The following TBC1D5 variants were observed in gnomAD, a reference collection of about 807,000 sequenced individuals.
TBC1D5 encodes TBC1 domain family member 5.
A neutral mutation model predicts 100.3 loss-of-function variants in TBC1D5; 75 were observed. That is an observed-to-expected ratio of 0.75 (90% CI 0.62 to 0.91). The LOEUF (loss-of-function observed/expected upper bound fraction) is 0.91. Ranked by LOEUF, TBC1D5 falls within the 40% of genes least tolerant of loss-of-function variation. The pLI, the probability that TBC1D5 is intolerant of heterozygous loss-of-function variation, is 0.00. For missense variants in TBC1D5, 910 were observed against 942.4 expected (o/e 0.97, Z 0.45); for synonymous variants, 323 against 325.6 (o/e 0.99, Z 0.09).
At chr3:17,527,529 C>A (rs1427809212) in intron 2 of TBC1D5, among the ~76,000 whole-genome samples, 1 of 152,074 alleles carries the variant, frequency 6.6e-6, no homozygotes, top group African/African-American at 2.4e-5. Context: ...TTAGAAAGAT[C>A]ACAAATCTTT....
chr3:17,592,065 G>A (rs2060264964), intron 2 of TBC1D5, among the ~76,000 whole-genome samples: 1 of 152,212 alleles, frequency 6.6e-6, no homozygotes. Context: ...CCTGGTACAT[G>A]GTATGCAGCC....
rs150879179 is a variant in TBC1D5 at position 17,365,791 on chromosome 3, A to G, written c.995+6284T>C. Among the ~76,000 whole-genome samples the G allele has an allele frequency of 3.5e-3, 532 of 152,298 alleles. 4 individuals are homozygous for G. The highest frequency in any genetic ancestry group is 0.011 in the African/African-American group (457 of 41,568). On this transcript the variant is annotated intron_variant, in intron 13 of 21. Transcript: ENST00000253692. ...TTTGGCTCATGGTCCAATGTGACAC[A>G]TAAAACCTTCAGATGCCTCAGCTTT...
chr3:17,478,377 T>C (rs1487364833), intron 3 of TBC1D5, among the ~76,000 whole-genome samples: 1 of 152,200 alleles, frequency 6.6e-6, no homozygotes, highest in East Asian at 1.9e-4. Flanking sequence ...GGTGTGACTT[T>C]CCAGCTTCTT....
At chr3:17,292,042 A>C (rs2081814611) in intron 14 of TBC1D5, 41 bp from the exon 15 acceptor site, 1 of 1,523,672 alleles carries the variant, frequency 6.6e-7, no homozygotes, top group East Asian at 2.3e-5. Flanking sequence ...AATACTATTT[A>C]AGATATTCTG....
At chr3:17,296,422 G>A (rs563721529) in intron 14 of TBC1D5, among the ~76,000 whole-genome samples, 1 of 152,244 alleles carries the variant, frequency 6.6e-6, no homozygotes, top group South Asian at 2.1e-4. Flanking sequence ...CATAATTACT[G>A]CCTGCAGCAT....
At chr3:17,217,120 G>A (rs1310244135) in intron 17 of TBC1D5, among the ~76,000 whole-genome samples, 1 of 152,140 alleles carries the variant, frequency 6.6e-6, no homozygotes, top group Non-Finnish European at 1.5e-5. Context: ...TGTAGATGGA[G>A]TGATACTATA....
At chr3:17,581,302 G>A (rs749825103) in intron 2 of TBC1D5, among the ~76,000 whole-genome samples, 8 of 152,148 alleles carry the variant, frequency 5.3e-5, no homozygotes, top group Non-Finnish European at 8.8e-5. Flanking sequence ...CTTCATAGCA[G>A]TATGAAAATG....
At chr3:17,365,838 T>C (rs891784614) in intron 13 of TBC1D5, among the ~76,000 whole-genome samples, 3 of 152,192 alleles carry the variant, frequency 2.0e-5, no homozygotes, top group Non-Finnish European at 2.9e-5. Context: ...ATAGTCCTAG[T>C]CAAATTAAAC....
intron 2 of TBC1D5, among the ~76,000 whole-genome samples, chr3:17,517,228 C>G (rs2096002006): frequency 6.6e-6 from 1 of 152,188 alleles, no homozygotes; most frequent in Non-Finnish European, 1.5e-5. Flanking sequence ...AACATGAAAT[C>G]TGTGTATTTT....
chr3:17,475,237 A>C (rs1205294758), intron 3 of TBC1D5, among the ~76,000 whole-genome samples: 1 of 151,590 alleles, frequency 6.6e-6, no homozygotes, highest in Non-Finnish European at 1.5e-5. Flanking sequence ...CTTCTCCCCA[A>C]CCTATATCTT....
At chr3:17,710,180 C>A (rs946421116) in intron 1 of TBC1D5, among the ~76,000 whole-genome samples, 1 of 152,080 alleles carries the variant, frequency 6.6e-6, no homozygotes, top group Non-Finnish European at 1.5e-5. Context: ...ATAGCAAAGT[C>A]AGTCGAGAAA....
chr3:17,529,167 G>A (rs934860898), intron 2 of TBC1D5, among the ~76,000 whole-genome samples: 3 of 151,728 alleles, frequency 2.0e-5, no homozygotes, highest in African/African-American at 7.3e-5. Flanking sequence ...AAATTTCTAA[G>A]AGAATCTACA....
intron 18 of TBC1D5, among the ~76,000 whole-genome samples, chr3:17,203,402 T>A (rs1449784049): frequency 6.6e-6 from 1 of 152,192 alleles, no homozygotes; most frequent in Non-Finnish European, 1.5e-5. Flanking sequence ...CAGATGAGAC[T>A]CTGGACTGTG....
intron 4 of TBC1D5, among the ~76,000 whole-genome samples, chr3:17,407,323 A>G (rs2093797609): frequency 6.6e-6 from 1 of 152,168 alleles, no homozygotes; most frequent in East Asian, 1.9e-4. Context: ...AATTAGACCT[A>G]TATTCCCTGC....
intron 5 of TBC1D5, 57 bp from the exon 6 acceptor site, chr3:17,405,018 C>G: frequency 2.8e-6 from 3 of 1,058,480 alleles, no homozygotes; most frequent in Non-Finnish European, 4.1e-6. Flanking sequence ...AAATGTGAAA[C>G]TATGCCAAAC....
intron 13 of TBC1D5, among the ~76,000 whole-genome samples, chr3:17,319,303 C>T (rs533513724): frequency 2.0e-5 from 3 of 152,278 alleles, no homozygotes; most frequent in Admixed American, 1.3e-4. Flanking sequence ...GCTCCAAATC[C>T]GTGATCTCTT....
chr3:17,345,826 T>A (rs548894467), intron 13 of TBC1D5, among the ~76,000 whole-genome samples: 8 of 151,248 alleles, frequency 5.3e-5, no homozygotes, highest in Non-Finnish European at 1.0e-4. Context: ...AAGGACAAAA[T>A]ACCAAACACC....
chr3:17,585,396 C>T (rs2096726729), intron 2 of TBC1D5, among the ~76,000 whole-genome samples: 1 of 152,188 alleles, frequency 6.6e-6, no homozygotes, highest in African/African-American at 2.4e-5. Context: ...AAATATACAC[C>T]TTACTAAAAA....
At chr3:17,740,212 T>C (rs962194105) in exon 1 of TBC1D5, 10 of 150,730 alleles carry the variant, frequency 6.6e-5, no homozygotes, top group South Asian at 2.1e-4. Context: ...GCTATAATCC[T>C]GGCTACCTGG....
Sources: allele counts gnomAD v4.1 joint callset (sites outside exome capture counted in the v4.1 genomes callset), GRCh38; gene constraint gnomAD v4.1.1; transcripts MANE v1.5; gene names NCBI Gene and HGNC (gene_info 2026-07-23, HGNC 2026-07-21).